The following TMEM64 variants were observed in gnomAD, a reference collection of about 807,000 sequenced individuals.
TMEM64 encodes transmembrane protein 64.
Under a neutral mutation model 24.5 loss-of-function variants are expected in TMEM64, and 19 were observed. That is an observed-to-expected ratio of 0.78 (90% confidence interval 0.54 to 1.14). The LOEUF (loss-of-function observed/expected upper bound fraction) is 1.14. Among genes scored for constraint, TMEM64 ranks in the 50% most tolerant of loss-of-function variants. TMEM64 has a pLI of 0.00. For missense variants in TMEM64, 487 were observed against 493.0 expected, an observed-to-expected ratio of 0.99 and a Z score of 0.12; for synonymous variants, 262 against 224.7, an observed-to-expected ratio of 1.17 and a Z score of -1.49.
chr8:90,640,736 A>G (rs1809591981), intron 1 of TMEM64, among the ~76,000 whole-genome samples: 1 of 152,236 alleles, frequency 6.6e-6, no homozygotes, highest in Non-Finnish European at 1.5e-5. Flanking sequence ...ACTCAAAGAA[A>G]ACTTGAGAAC....
chr8:90,632,853 A>G (rs1586127814), intron 1 of TMEM64, among the ~76,000 whole-genome samples: 1 of 152,258 alleles, frequency 6.6e-6, no homozygotes, highest in East Asian at 1.9e-4. Context: ...GGTGAAAATT[A>G]TCATTATTAT....
intron 1 of TMEM64, among the ~76,000 whole-genome samples, chr8:90,642,477 A>T (rs556277599): frequency 1.2e-4 from 18 of 152,192 alleles, no homozygotes; most frequent in Admixed American, 2.6e-4. Flanking sequence ...AACACAAGAA[A>T]TATGCCTAGA....
chr8:90,639,083 A>G (rs191400026), intron 1 of TMEM64, among the ~76,000 whole-genome samples: 1 of 151,816 alleles, frequency 6.6e-6, no homozygotes, highest in Admixed American at 6.6e-5. Flanking sequence ...AGCAACCCTG[A>G]GAGTACTGAA....
rs761968646 is a variant in TMEM64 at position 90,645,180 on chromosome 8, G to A, written c.726C>T (p.Ser242=). ...TGGCCAGCGCCACCACTTTCAGGCC[G>A]CTTCCTCCCTCCACTACGCGAATAA... ...SAVIRVVEGG[S]GLKVVALARL... The change falls in exon 1 of 3, where the codon AGC becomes AGT. Residue 242 remains serine (S), a synonymous_variant. Transcript: ENST00000458549. This position sits in a 1 kb window ranked among gnomAD's most constrained non-coding sequence, Gnocchi z 4.2. 175 of 1,613,988 alleles carry A rather than the reference G, an allele frequency of 1.1e-4. No individual in the cohort carries two copies. The highest frequency in any genetic ancestry group is 1.4e-4 in the Non-Finnish European group (163 of 1,179,998).
At chr8:90,628,760 G>A (rs966254395) in intron 2 of TMEM64, among the ~76,000 whole-genome samples, 7 of 152,102 alleles carry the variant, frequency 4.6e-5, no homozygotes, top group African/African-American at 1.4e-4. Flanking sequence ...GCTCCAACCC[G>A]AAGTTTTTGA....
At chr8:90,626,782 C>T (rs2130494502) in intron 2 of TMEM64, among the ~76,000 whole-genome samples, 1 of 151,978 alleles carries the variant, frequency 6.6e-6, no homozygotes, top group Middle Eastern at 3.4e-3. Context: ...ATGCATGCGC[C>T]CCACGCCTGG....
Position 90,624,784 on chromosome 8 carries a change from T to C in TMEM64, c.*887A>G, listed in dbSNP as rs866940716. The C allele has an allele frequency of 4.6e-5, 7 of 152,596 alleles. No homozygotes were observed. Among genetic ancestry groups the C allele is most frequent in the African/African-American group, 1.7e-4 (7 of 41,464 alleles). 9.5% of individuals were successfully genotyped at this position (152,596 alleles called of 1,614,324 possible). ...GCCACCTGAGTGACATCTTCAATGATGGTAAGCCCACCATTTTAAAGGAAT... is the reference window on the plus strand; with the variant it reads ...GCCACCTGAGTGACATCTTCAATGACGGTAAGCCCACCATTTTAAAGGAAT... On this transcript the variant is annotated 3_prime_UTR_variant, in exon 3 of 3. Coordinates refer to ENST00000458549, the MANE Select transcript of TMEM64 (RefSeq NM_001008495.4).
In TMEM64 at chr8:90,645,382, C is replaced by A; in HGVS notation, c.524G>T (p.Gly175Val). Residue 175 changes from glycine to valine, a missense_variant, in exon 1 of 3, where the codon GGC (glycine) becomes GTC (valine). Physicochemically the swap from Gly to Val is moderately radical, Grantham distance 109 (BLOSUM62 -3). Around this residue, in one of 3 missense-constraint regions of TMEM64, gnomAD observed 419 missense variants for 407.5 expected, o/e 1.03. Coordinates refer to ENST00000458549, the MANE Select transcript of TMEM64 (RefSeq NM_001008495.4). The surrounding 1 kb of genome is among the most constrained non-coding windows in gnomAD (Gnocchi z 4.2). ...VGFIVVSFPC[G>V]WGYIVLNVAA... is the part of the protein sequence containing the mutation. Reference sequence around the variant, plus strand: ...CACGTTGAGCACGATGTAGCCCCAGCCGCAGGGGAAAGAGACCACGATGAA... The same window carrying A: ...CACGTTGAGCACGATGTAGCCCCAGACGCAGGGGAAAGAGACCACGATGAA... 1 of 1,551,942 alleles carries A rather than the reference C, an allele frequency of 6.4e-7. No individual in the cohort carries two copies. Among genetic ancestry groups the A allele is most frequent in the Non-Finnish European group, 8.7e-7 (1 of 1,147,096 alleles).
intron 2 of TMEM64, among the ~76,000 whole-genome samples, chr8:90,627,817 A>G (rs903548572): frequency 2.0e-5 from 3 of 152,236 alleles, no homozygotes; most frequent in Non-Finnish European, 4.4e-5. Context: ...AAGTTAAGAC[A>G]GTGGTATCAA....
intron 2 of TMEM64, among the ~76,000 whole-genome samples, chr8:90,626,263 T>C (rs1177531626): frequency 6.6e-6 from 1 of 152,212 alleles, no homozygotes; most frequent in Non-Finnish European, 1.5e-5. Flanking sequence ...TAAATGTCCA[T>C]AGGTATTTCT....
chr8:90,645,472 T>C lies in TMEM64; in HGVS notation c.434A>G (p.His145Arg), dbSNP rs1170366552. The C allele has an allele frequency of 1.3e-6, 2 of 1,551,204 alleles. No homozygotes were observed. Among genetic ancestry groups the C allele is most frequent in the Non-Finnish European group, 1.7e-6 (2 of 1,146,976 alleles). The change falls in exon 1 of 3, where the codon CAC becomes CGC. Residue 145 changes from histidine to arginine, a missense_variant. His to Arg is a conservative substitution (Grantham distance 29, BLOSUM62 0). Around this residue, in one of 3 missense-constraint regions of TMEM64, gnomAD observed 419 missense variants for 407.5 expected, o/e 1.03. Coordinates refer to ENST00000458549, the MANE Select transcript of TMEM64 (RefSeq NM_001008495.4). The surrounding 1 kb of genome is among the most constrained non-coding windows in gnomAD (Gnocchi z 4.2). ...GCTCTCCACCCACAGCAGGAGGTGG[T>C]GAAGGTAGCGGCGGACCAGGGCCAG... ...ASLALVRRYL[H>R]HLLLWVESLD...
chr8:90,645,249 G>T lies in TMEM64; in HGVS notation c.657C>A (p.Ala219=). The change falls in exon 1 of 3, where the codon GCC becomes GCA. Residue 219 remains alanine (A), a synonymous_variant. Coordinates refer to ENST00000458549, the MANE Select transcript of TMEM64 (RefSeq NM_001008495.4). The surrounding 1 kb of genome is among the most constrained non-coding windows in gnomAD (Gnocchi z 4.2). ...TGCTCTGGATCCTGGCGGCCACCCAGGCGGTGAGGAGCCGCTTGCAGACCA... is the reference window on the plus strand; with the variant it reads ...TGCTCTGGATCCTGGCGGCCACCCATGCGGTGAGGAGCCGCTTGCAGACCA... The part of the protein sequence containing the change: ...AHVVCKRLLT[A]WVAARIQSSE... 1 of 1,613,428 alleles carries T rather than the reference G, an allele frequency of 6.2e-7. No homozygotes were observed. Among genetic ancestry groups the T allele is most frequent in the Non-Finnish European group, 8.5e-7 (1 of 1,179,660 alleles).
intron 1 of TMEM64, among the ~76,000 whole-genome samples, chr8:90,635,789 C>T (rs1287860362): frequency 6.6e-6 from 1 of 152,062 alleles, no homozygotes; most frequent in Non-Finnish European, 1.5e-5. Flanking sequence ...CAGTTAATAA[C>T]AAAACATTAC....
intron 1 of TMEM64, among the ~76,000 whole-genome samples, chr8:90,644,121 A>AC (rs137885004): frequency 0.15 from 22,077 of 152,178 alleles, 3,140 homozygotes; most frequent in African/African-American, 0.37. Context: ...TTATTTCAGT[A>AC]AGTTTTCTTT....
rs1586124481 is a variant in TMEM64, at chr8:90,625,578, A to G, written c.*93T>C. The G allele has an allele frequency of 1.9e-5, 20 of 1,057,448 alleles. No individual in the cohort carries two copies. The East Asian group carries it at 4.8e-4, about 26-fold the overall frequency. The allele number at this position is 1,057,448 out of a possible 1,614,324, so 65.5% of individuals were successfully genotyped here. A position where few individuals can be genotyped will look rare whatever the true frequency, so the allele number is the denominator to read the frequency against. On this transcript the variant is annotated 3_prime_UTR_variant, in exon 3 of 3. Coordinates refer to ENST00000458549, the MANE Select transcript of TMEM64 (RefSeq NM_001008495.4). ...ACTAGTCAGTTTTGTTTGTGCTGTAATACAATTAGAACTTGTCTCTGCCCA... is the reference window on the plus strand; with the variant it reads ...ACTAGTCAGTTTTGTTTGTGCTGTAGTACAATTAGAACTTGTCTCTGCCCA...
chr8:90,628,279 G>C (rs549759452), intron 2 of TMEM64, among the ~76,000 whole-genome samples: 24 of 152,316 alleles, frequency 1.6e-4, no homozygotes, highest in African/African-American at 4.8e-4. Flanking sequence ...GCAGGGGCAG[G>C]AACATAAGAA....
rs972622874 is a variant in TMEM64 at position 90,623,600 on chromosome 8, A to C, written c.*2071T>G. 6 of 152,536 alleles carry C rather than the reference A, an allele frequency of 3.9e-5. No individual in the cohort carries two copies. The highest frequency in any genetic ancestry group is 5.9e-5 in the Non-Finnish European group (4 of 67,972). 9.4% of individuals were successfully genotyped at this position (152,536 alleles called of 1,614,324 possible). On this transcript the variant is annotated 3_prime_UTR_variant, in exon 3 of 3. Transcript: ENST00000458549. ...AATTAAGATTGGCAGAATACAGAAAATTATTTCTTTTACCTTTACATATTT... is the reference window on the plus strand; with the variant it reads ...AATTAAGATTGGCAGAATACAGAAACTTATTTCTTTTACCTTTACATATTT...
intron 2 of TMEM64, among the ~76,000 whole-genome samples, chr8:90,626,629 C>CA (rs1402989892): frequency 2.8e-4 from 30 of 105,818 alleles, no homozygotes; most frequent in Non-Finnish European, 9.3e-5. Flanking sequence ...TTTTTTCTTT[C>CA]TTTTTTTTTT....
At chr8:90,643,575 G>C (rs1413733369) in intron 1 of TMEM64, among the ~76,000 whole-genome samples, 1 of 152,206 alleles carries the variant, frequency 6.6e-6, no homozygotes, top group Non-Finnish European at 1.5e-5. Context: ...GCCGAGGACA[G>C]TAGTTGGCAC....
Sources: allele counts gnomAD v4.1 joint callset (sites outside exome capture counted in the v4.1 genomes callset), GRCh38; gene constraint gnomAD v4.1.1; regional missense constraint gnomAD v4.1.1; non-coding constraint Gnocchi (gnomAD v3.1); transcripts MANE v1.5; gene names NCBI Gene and HGNC (gene_info 2026-07-23, HGNC 2026-07-21).